The following EPHB1 variants were observed in gnomAD, a reference collection of about 807,000 sequenced individuals.
EPHB1 encodes the protein EPH receptor B1.
In EPHB1, 30 loss-of-function variants were observed where a neutral mutation model predicts 94.4. That is an observed-to-expected ratio of 0.32 (90% CI 0.24 to 0.43). The LOEUF (loss-of-function observed/expected upper bound fraction) is 0.43. Among genes scored for constraint, EPHB1 ranks in the 20% least tolerant of loss-of-function variants. The pLI, the probability that EPHB1 is intolerant of heterozygous loss-of-function variation, is 1.00. For missense variants in EPHB1, 1,055 were observed against 1,308.3 expected, an observed-to-expected ratio of 0.81 and a Z score of 2.99; for synonymous variants, 522 against 489.1, an observed-to-expected ratio of 1.07 and a Z score of -0.89.
rs774713350 is a variant in EPHB1 at position 135,179,860 on chromosome 3, G to T, written c.1760G>T (p.Gly587Val). The change falls in exon 10 of 16, where the codon GGC (glycine) becomes GTC (valine). Residue 587 changes from glycine (G) to valine (V), a missense_variant and splice_region_variant. By Grantham distance (109) the Gly-to-Val change is moderately radical. Coordinates refer to ENST00000398015, the MANE Select transcript of EPHB1 (RefSeq NM_004441.5). ...AACCCTGCTTATCTCCTCCAACAAG[G>T]CTCCCCAGGGATGAAGATCTACATT... The part of the protein sequence containing the change: ...DKLQHYSTGR[G>V]SPGMKIYIDP... 35 of 1,613,516 alleles carry T rather than the reference G, an allele frequency of 2.2e-5. No individual in the cohort carries two copies. Among genetic ancestry groups the T allele is most frequent in the African/African-American group, 8.0e-5 (6 of 74,850 alleles).
chr3:134,852,268 C>T (rs547183502), intron 1 of EPHB1, among the ~76,000 whole-genome samples: 3 of 152,246 alleles, frequency 2.0e-5, no homozygotes, highest in African/African-American at 7.2e-5. Flanking sequence ...CACAGCATGC[C>T]CTGCCACTCC....
chr3:135,168,124 A>C (rs1489868477), intron 9 of EPHB1, among the ~76,000 whole-genome samples: 1 of 152,234 alleles, frequency 6.6e-6, no homozygotes, highest in Admixed American at 6.5e-5. Flanking sequence ...CGGGCTGTAC[A>C]AAGGGCACTT....
intron 1 of EPHB1, among the ~76,000 whole-genome samples, chr3:134,842,049 A>T (rs1332754930): frequency 1.3e-5 from 2 of 152,184 alleles, no homozygotes; most frequent in Non-Finnish European, 2.9e-5. Flanking sequence ...CTCAAAGGTG[A>T]TGGTAGTAAT....
At chr3:134,912,527 C>A (rs1459282068) in intron 1 of EPHB1, among the ~76,000 whole-genome samples, 1 of 152,244 alleles carries the variant, frequency 6.6e-6, no homozygotes, top group African/African-American at 2.4e-5. Flanking sequence ...CCTTTCCTGG[C>A]CTCTGCCTCT....
At chr3:134,986,708 ATT>A (rs1934610256) in intron 3 of EPHB1, among the ~76,000 whole-genome samples, 1 of 136,166 alleles carries the variant, frequency 7.3e-6, no homozygotes, top group African/African-American at 2.9e-5. Context: ...ATTTAAAGAT[ATT>A]AACACACACA....
At chr3:135,016,242 C>T (rs898627279) in intron 3 of EPHB1, among the ~76,000 whole-genome samples, 2 of 152,192 alleles carry the variant, frequency 1.3e-5, no homozygotes, top group African/African-American at 4.8e-5. Context: ...CCAGCAACAG[C>T]CTCTGTTTTC....
At chr3:135,098,969 C>T (rs370364345) in intron 3 of EPHB1, among the ~76,000 whole-genome samples, 3 of 135,952 alleles carry the variant, frequency 2.2e-5, no homozygotes, top group East Asian at 4.5e-4. Flanking sequence ...GCAGAGATCA[C>T]GCCACTGCAC....
intron 4 of EPHB1, among the ~76,000 whole-genome samples, chr3:135,115,173 T>A (rs1215365413): frequency 6.6e-6 from 1 of 152,150 alleles, no homozygotes; most frequent in Non-Finnish European, 1.5e-5. Flanking sequence ...ATCTACTCCC[T>A]TCTCTATTTT....
chr3:135,222,417 C>T (rs916258332), intron 12 of EPHB1, among the ~76,000 whole-genome samples: 6 of 152,058 alleles, frequency 3.9e-5, no homozygotes, highest in Admixed American at 2.0e-4. Flanking sequence ...GTGGAAGTCC[C>T]GCGGTTCTCA....
chr3:134,941,042 C>G (rs186388194), intron 2 of EPHB1, among the ~76,000 whole-genome samples: 1 of 152,252 alleles, frequency 6.6e-6, no homozygotes, highest in Admixed American at 6.5e-5. Context: ...AGGAAGTGCC[C>G]CTTTCCAGCC....
At chr3:134,992,421 C>A (rs1435385852) in intron 3 of EPHB1, among the ~76,000 whole-genome samples, 1 of 152,186 alleles carries the variant, frequency 6.6e-6, no homozygotes, top group Non-Finnish European at 1.5e-5. Context: ...ATTGCCAAGC[C>A]TCCGGTCAGT....
intron 3 of EPHB1, among the ~76,000 whole-genome samples, chr3:135,097,539 C>T (rs1938848945): frequency 6.6e-6 from 1 of 152,156 alleles, no homozygotes; most frequent in South Asian, 2.1e-4. Flanking sequence ...GGAAAAGCAC[C>T]CCCACCCTGG....
intron 1 of EPHB1, among the ~76,000 whole-genome samples, chr3:134,870,965 T>C (rs2037486910): frequency 6.6e-6 from 1 of 152,174 alleles, no homozygotes; most frequent in African/African-American, 2.4e-5. Flanking sequence ...TGGTCCCTTA[T>C]ACCAGGCTGG....
At chr3:134,943,812 A>G (rs2039166663) in intron 2 of EPHB1, among the ~76,000 whole-genome samples, 1 of 152,210 alleles carries the variant, frequency 6.6e-6, no homozygotes, top group African/African-American at 2.4e-5. Context: ...CATCCAAGGT[A>G]CAGATGATAG....
chr3:134,943,155 A>G (rs1340683949), intron 2 of EPHB1, among the ~76,000 whole-genome samples: 1 of 152,194 alleles, frequency 6.6e-6, no homozygotes, highest in Admixed American at 6.5e-5. Context: ...CACTCTGCCC[A>G]TTTGTCAACA....
At chr3:134,977,292 G>A (rs1405697382) in intron 3 of EPHB1, among the ~76,000 whole-genome samples, 2 of 152,194 alleles carry the variant, frequency 1.3e-5, no homozygotes, top group Non-Finnish European at 2.9e-5. Context: ...TTTCAGCAAG[G>A]TGTGCTCTGG....
In EPHB1 at chr3:135,134,488, T is replaced by G. The variant is rs574395197; in HGVS notation, c.1297+1439T>G. On this transcript the variant is annotated intron_variant, in intron 5 of 15. Coordinates refer to ENST00000398015, the MANE Select transcript of EPHB1 (RefSeq NM_004441.5). Reference sequence around the variant, plus strand: ...TGGCTGTGTTGCTGCTGTGTGTGGGTGTGTGTGTGTGTGTTCATGTGGTGT... The same window carrying G: ...TGGCTGTGTTGCTGCTGTGTGTGGGGGTGTGTGTGTGTGTTCATGTGGTGT... Among the ~76,000 whole-genome samples the G allele has an allele frequency of 2.4e-3, 360 of 151,506 alleles. 2 individuals carry two copies. The highest frequency in any genetic ancestry group is 8.0e-3 in the African/African-American group (330 of 41,364).
chr3:135,114,768 A>AATAAATAAATAG (rs1212038176), intron 4 of EPHB1, among the ~76,000 whole-genome samples: 2 of 150,354 alleles, frequency 1.3e-5, no homozygotes, highest in African/African-American at 4.9e-5. Flanking sequence ...TAAATAAATA[A>AATAAATAAATAG]AACAATATTT....
intron 3 of EPHB1, among the ~76,000 whole-genome samples, chr3:135,049,733 C>G (rs1298402412): frequency 6.6e-6 from 1 of 152,218 alleles, no homozygotes; most frequent in East Asian, 1.9e-4. Context: ...TTTGATACCT[C>G]TTTATAATAT....
Sources: allele counts gnomAD v4.1 joint callset (sites outside exome capture counted in the v4.1 genomes callset), GRCh38; gene constraint gnomAD v4.1.1; transcripts MANE v1.5; gene names NCBI Gene and HGNC (gene_info 2026-07-23, HGNC 2026-07-21).